TTBK2: variants seen among roughly 807,000 people sequenced by gnomAD.
TTBK2 encodes tau tubulin kinase 2.
In TTBK2, 28 loss-of-function variants were observed where a neutral mutation model predicts 110.8. The observed-to-expected ratio is 0.25, with a 90% CI of 0.19 to 0.35. TTBK2 has a LOEUF of 0.35. Ranked by LOEUF, TTBK2 falls within the 10% of genes least tolerant of loss-of-function variation. The pLI, the probability that TTBK2 is intolerant of heterozygous loss-of-function variation, is 1.00. For synonymous variants in TTBK2, 532 were observed against 527.3 expected, an observed-to-expected ratio of 1.01 and a Z score of -0.12; for missense variants, 1,369 against 1,500.3, an observed-to-expected ratio of 0.91 and a Z score of 1.45.
rs1388674706 is a variant in TTBK2, at chr15:42,753,229, A to G, written c.2017T>C (p.Ser673Pro). 7 of 1,613,688 alleles carry G rather than the reference A, an allele frequency of 4.3e-6. No individual in the cohort carries two copies. Among genetic ancestry groups the G allele is most frequent in the Non-Finnish European group, 5.9e-6 (7 of 1,179,896 alleles). The change falls in exon 14 of 15, where the codon TCT becomes CCT. Residue 673 changes from serine to proline, a missense_variant. Physicochemically the swap from Ser to Pro is moderately conservative, Grantham distance 74. This residue lies in a region of TTBK2 where 1,097 missense variants were observed against 1,114.7 expected (regional missense o/e 0.98). Transcript: ENST00000267890. Reference protein sequence around the residue: ...PLTAITIPRPSVASTQSTSGS... With the variant: ...PLTAITIPRPPVASTQSTSGS... Reference sequence around the variant, plus strand: ...GAAGTTGACTGTGTAGATGCCACAGAAGGTCTAGGAATTGTAATCTGGAGA... The same window carrying G: ...GAAGTTGACTGTGTAGATGCCACAGGAGGTCTAGGAATTGTAATCTGGAGA...
chr15:42,837,654 T>C (rs937744360), intron 4 of TTBK2, among the ~76,000 whole-genome samples: 1 of 98,766 alleles, frequency 1.0e-5, no homozygotes, highest in African/African-American at 4.3e-5. Context: ...TGAGACTCTG[T>C]CTCAAAAAAA....
At chr15:42,815,893 AAT>A (rs68075114) in intron 7 of TTBK2, among the ~76,000 whole-genome samples, 18,904 of 101,134 alleles carry the variant, frequency 0.19, 2,737 homozygotes, top group African/African-American at 0.37. Context: ...TATATTTAAA[AAT>A]ATATATATAT....
intron 1 of TTBK2, among the ~76,000 whole-genome samples, chr15:42,897,569 CAA>C (rs1347539160): frequency 6.6e-6 from 1 of 152,060 alleles, no homozygotes; most frequent in Non-Finnish European, 1.5e-5. Context: ...GATCCTGAAG[CAA>C]AGTCTGGGCT....
intron 11 of TTBK2, among the ~76,000 whole-genome samples, chr15:42,779,510 G>C (rs1019449229): frequency 2.0e-5 from 3 of 151,666 alleles, no homozygotes; most frequent in African/African-American, 7.3e-5. Context: ...TACATTTATA[G>C]ATAAGAAAAT....
rs1302146720 is a variant in TTBK2 at position 42,816,014 on chromosome 15, GA to G, written c.603+1017del. Among the ~76,000 whole-genome samples, 241 of 100,114 alleles carry G rather than the reference GA, an allele frequency of 2.4e-3. 4 individuals carry two copies. In the Middle Eastern group the frequency reaches 0.061, roughly 25 times the overall value. The allele number at this position is 100,114 out of a possible 152,430, so 65.7% of individuals were successfully genotyped here. On this transcript the variant is annotated intron_variant, in intron 7 of 14. Coordinates refer to ENST00000267890, the MANE Select transcript of TTBK2 (RefSeq NM_173500.4). ...GTCTTGCTCTGTCTCAAATTTGGAA[GA>G]GATGTTCAATCTCTTCCAAATTCTC...
chr15:42,810,880 A>G, intron 8 of TTBK2, 141 bp from the exon 9 acceptor site: 1 of 938,580 alleles, frequency 1.1e-6, no homozygotes, highest in Non-Finnish European at 1.6e-6. Context: ...CTGAGCTCTT[A>G]CTAACAGCTT....
At chr15:42,773,061 G>T (rs996835100) in intron 13 of TTBK2, among the ~76,000 whole-genome samples, 1 of 152,044 alleles carries the variant, frequency 6.6e-6, no homozygotes, top group South Asian at 2.1e-4. Flanking sequence ...AAATTAGCTG[G>T]GTGTGGTGAC....
At chr15:42,763,149 T>TATATATAC (rs1235907062) in intron 13 of TTBK2, among the ~76,000 whole-genome samples, 12 of 60,442 alleles carry the variant, frequency 2.0e-4, no homozygotes, top group Non-Finnish European at 2.9e-4. Context: ...CATACATATA[T>TATATATAC]ATATATACAT....
At chr15:42,846,900 G>C (rs919457639) in intron 3 of TTBK2, among the ~76,000 whole-genome samples, 1 of 152,172 alleles carries the variant, frequency 6.6e-6, no homozygotes, top group Admixed American at 6.5e-5. Context: ...TGAATAAGTG[G>C]AAGTGCTGGG....
chr15:42,828,613 C>T (rs1189730085), intron 5 of TTBK2, among the ~76,000 whole-genome samples: 1 of 150,874 alleles, frequency 6.6e-6, no homozygotes, highest in African/African-American at 2.4e-5. Flanking sequence ...ATTCCAGCTA[C>T]TCAGGAAGCT....
chr15:42,851,104 C>T (rs560265592), intron 3 of TTBK2, among the ~76,000 whole-genome samples: 4 of 151,484 alleles, frequency 2.6e-5, no homozygotes, highest in East Asian at 1.9e-4. Context: ...AAAAATTAGC[C>T]GGTCGTGGTG....
chr15:42,747,915 A>G (rs2061817716), intron 14 of TTBK2, among the ~76,000 whole-genome samples: 1 of 152,174 alleles, frequency 6.6e-6, no homozygotes, highest in Non-Finnish European at 1.5e-5. Flanking sequence ...ATATATAATG[A>G]TACACTTTAG....
chr15:42,830,228 C>A (rs1225844415), intron 4 of TTBK2, 150 bp from the exon 5 acceptor site: 10 of 934,386 alleles, frequency 1.1e-5, no homozygotes, highest in South Asian at 1.6e-5. Context: ...ACTCTTGTTG[C>A]CCAGGCTGGA....
intron 13 of TTBK2, among the ~76,000 whole-genome samples, chr15:42,756,244 A>C (rs1250430200): frequency 6.6e-6 from 1 of 152,018 alleles, no homozygotes; most frequent in Non-Finnish European, 1.5e-5. Flanking sequence ...TAATTATTAC[A>C]TGTAATTCTA....
At chr15:42,789,884 TTTTC>T (rs1292965446) in intron 10 of TTBK2, among the ~76,000 whole-genome samples, 1 of 39,768 alleles carries the variant, frequency 2.5e-5, no homozygotes, top group Non-Finnish European at 6.9e-5. Context: ...CACATATACA[TTTTC>T]TTTATCAATT....
At chr15:42,776,550 G>A (rs1371414816) in intron 12 of TTBK2, among the ~76,000 whole-genome samples, 2 of 152,184 alleles carry the variant, frequency 1.3e-5, no homozygotes, top group African/African-American at 4.8e-5. Context: ...ATTGGTATCT[G>A]TTTTCCCACA....
chr15:42,827,095 G>C (rs939978100), intron 6 of TTBK2, among the ~76,000 whole-genome samples: 4 of 152,166 alleles, frequency 2.6e-5, no homozygotes, highest in Non-Finnish European at 5.9e-5. Flanking sequence ...TCAACAGCTG[G>C]ATGTGGCCAA....
At position 42,828,049 on chromosome 15, in the gene TTBK2, G is replaced by T; in HGVS notation, c.433-17C>A. On this transcript the variant is annotated splice_polypyrimidine_tract_variant and intron_variant, in intron 5 of 14. Coordinates refer to ENST00000267890, the MANE Select transcript of TTBK2 (RefSeq NM_173500.4). Reference sequence around the variant, plus strand: ...GAAGTTCGACTAGAAAAATAAAGAAGGAAAATATATACATTCTTATAATAC... The same window carrying T: ...GAAGTTCGACTAGAAAAATAAAGAATGAAAATATATACATTCTTATAATAC... The T allele has an allele frequency of 1.3e-6, 2 of 1,562,884 alleles. No homozygotes were observed. Among genetic ancestry groups the T allele is most frequent in the South Asian group, 1.1e-5 (1 of 89,598 alleles).
intron 1 of TTBK2, among the ~76,000 whole-genome samples, chr15:42,910,331 A>C (rs1039743835): frequency 6.6e-6 from 1 of 152,152 alleles, no homozygotes; most frequent in African/African-American, 2.4e-5. Context: ...GTTTGCAGTA[A>C]AGAAACAACC....
Sources: gnomAD v4.1 joint callset for allele counts (sites outside exome capture counted in the v4.1 genomes callset) on GRCh38, gnomAD v4.1.1 for gene constraint, gnomAD v4.1.1 regional missense constraint, MANE v1.5 for transcripts, NCBI Gene and HGNC (gene_info 2026-07-23, HGNC 2026-07-21) for gene names.